Variants in SYNE1 observed in about 807,000 individuals in gnomAD.
The protein encoded by SYNE1 is spectrin repeat containing nuclear envelope protein 1, also known as nesprin-1.
A neutral mutation model predicts 1,111.0 loss-of-function variants in SYNE1; 616 were observed. The observed-to-expected ratio is 0.55, with a 90% CI of 0.52 to 0.59. The LOEUF is 0.59. Ranked by LOEUF, SYNE1 falls within the 20% of genes least tolerant of loss-of-function variation. SYNE1 has a pLI of 0.00. For synonymous variants in SYNE1, 3,855 were observed against 3,825.8 expected, an observed-to-expected ratio of 1.01 and a Z score of -0.28; for missense variants, 10,006 against 10,417.0, an observed-to-expected ratio of 0.96 and a Z score of 1.72.
At position 152,220,835 on chromosome 6, in the gene SYNE1, A is replaced by T; in HGVS notation, c.21861+7T>A. 1 of 1,613,138 alleles carries T rather than the reference A, an allele frequency of 6.2e-7. No homozygotes were observed. The highest frequency in any genetic ancestry group is 8.5e-7 in the Non-Finnish European group (1 of 1,179,780). On this transcript the variant is annotated splice_region_variant and intron_variant, in intron 119 of 145. Coordinates refer to ENST00000367255, the MANE Select transcript of SYNE1 (RefSeq NM_182961.4). ...TGTGGGGAAAACAAGGTAGCTCCTG[A>T]ACATACGTTGCAATCTTGAATCCAT...
chr6:152,471,312 AC>A (rs2098804286), intron 16 of SYNE1, among the ~76,000 whole-genome samples: 1 of 152,186 alleles, frequency 6.6e-6, no homozygotes, highest in Admixed American at 6.5e-5. Flanking sequence ...CAATACAAAA[AC>A]TTTTTTTAAA....
At chr6:152,256,846 A>C in intron 101 of SYNE1, 81 bp from the exon 102 acceptor site, 1 of 1,581,456 alleles carries the variant, frequency 6.3e-7, no homozygotes, top group Non-Finnish European at 8.6e-7. Flanking sequence ...ATACTGAAAT[A>C]GATGCTGAAA....
rs1432273399 is a variant in SYNE1, at chr6:152,471,697, C to T, written c.1532G>A (p.Arg511His). Reference protein sequence around the residue: ...MKMEFLELKYRLLSLLVLAES... With the variant: ...MKMEFLELKYHLLSLLVLAES... The stretch of plus-strand genomic sequence containing the variant: ...TGCAAGAACCAGCAGTGAGAGCAGA[C>T]GGTACTTTAATTCTAAAAATTCCAT... Residue 511 changes from arginine (R) to histidine (H), a missense_variant, in exon 16 of 146, where the codon CGT becomes CAT. By Grantham distance (29) the Arg-to-His change is conservative (BLOSUM62 0). This residue lies in a region of SYNE1 where 1,971 missense variants were observed against 2,084.1 expected (regional missense o/e 0.95). Coordinates refer to ENST00000367255, the MANE Select transcript of SYNE1 (RefSeq NM_182961.4). The T allele has an allele frequency of 5.0e-6, 8 of 1,613,840 alleles. No homozygotes were observed. The highest frequency in any genetic ancestry group is 1.1e-5 in the South Asian group (1 of 91,082).
Position 152,211,727 on chromosome 6 carries a change from T to G in SYNE1, c.22495-139A>C, listed in dbSNP as rs2077553282. The G allele has an allele frequency of 4.0e-5, 28 of 693,540 alleles. 1 individual carries two copies. In the South Asian group the frequency reaches 4.6e-4, roughly 11 times the overall value. 43.0% of individuals were successfully genotyped at this position (693,540 alleles called of 1,614,324 possible). A position where few individuals can be genotyped will look rare whatever the true frequency, so the allele number is the denominator to read the frequency against. On this transcript the variant is annotated intron_variant, in intron 123 of 145. Transcript: ENST00000367255. ...CTGAACCAGAAAATGTGTGAAATCC[T>G]GCAGTTTAGGAATCATTTATTTTTA...
At chr6:152,156,231 T>C (rs1432107919) in intron 131 of SYNE1, 134 bp from the exon 132 acceptor site, 6 of 973,302 alleles carry the variant, frequency 6.2e-6, no homozygotes, top group Non-Finnish European at 9.5e-6. Context: ...ATGACATTTA[T>C]TGAGCCTCAT....
At chr6:152,600,088 G>A (rs1233546647) in intron 3 of SYNE1, among the ~76,000 whole-genome samples, 4 of 152,162 alleles carry the variant, frequency 2.6e-5, no homozygotes, top group Non-Finnish European at 5.9e-5. Context: ...CAGGACTGAC[G>A]ACTCCATTAA....
chr6:152,303,975 C>T (rs1431735889), intron 91 of SYNE1, among the ~76,000 whole-genome samples: 4 of 152,040 alleles, frequency 2.6e-5, no homozygotes, highest in African/African-American at 9.7e-5. Context: ...CCAACTGAAG[C>T]CGAGTGGAGC....
At position 152,140,056 on chromosome 6, in the gene SYNE1, C is replaced by T; in HGVS notation, c.25352G>A (p.Ser8451Asn). Residue 8451 changes from serine to asparagine, a missense_variant, in exon 140 of 146, where the codon AGC becomes AAC. Ser to Asn is a conservative substitution (Grantham distance 46, BLOSUM62 1). Coordinates refer to ENST00000367255, the MANE Select transcript of SYNE1 (RefSeq NM_182961.4). ...CGTGTCCCCCAGCCAGGCCCAGATG[C>T]TGTTCAAGTCTGAGTTAAACTGCTG... The part of the protein sequence containing the change: ...KWQQFNSDLN[S>N]IWAWLGDTEE... The T allele has an allele frequency of 1.2e-6, 2 of 1,614,218 alleles. No individual in the cohort carries two copies. The highest frequency in any genetic ancestry group is 1.7e-6 in the Non-Finnish European group (2 of 1,180,038).
At chr6:152,419,850 T>C in intron 39 of SYNE1, 128 bp from the exon 40 acceptor site, 1 of 901,290 alleles carries the variant, frequency 1.1e-6, no homozygotes, top group East Asian at 2.7e-5. Context: ...TCTATACCTC[T>C]TGATATTTTT....
chr6:152,479,912 C>T (rs2098873682), intron 14 of SYNE1, among the ~76,000 whole-genome samples: 2 of 152,160 alleles, frequency 1.3e-5, no homozygotes, highest in Admixed American at 6.5e-5. Context: ...ATCCAACTTG[C>T]AAACGTTGCC....
chr6:152,147,863 T>TC, intron 137 of SYNE1, 182 bp downstream of exon 137: 1 of 633,996 alleles, frequency 1.6e-6, no homozygotes, highest in Non-Finnish European at 2.8e-6. Context: ...GTGGAATAAA[T>TC]CAACGGCCAC....
intron 3 of SYNE1, among the ~76,000 whole-genome samples, chr6:152,584,323 A>G (rs1337223045): frequency 6.6e-6 from 1 of 152,230 alleles, no homozygotes; most frequent in East Asian, 1.9e-4. Flanking sequence ...TTAACTTTTT[A>G]TACTTAATTT....
chr6:152,225,975 T>C, intron 115 of SYNE1, 99 bp from the exon 116 acceptor site: 1 of 1,182,658 alleles, frequency 8.5e-7, no homozygotes, highest in East Asian at 2.4e-5. Flanking sequence ...TAAAAACCTT[T>C]TACTAATCCA....
chr6:152,245,434 C>T (rs1407167117), intron 105 of SYNE1, among the ~76,000 whole-genome samples: 1 of 152,100 alleles, frequency 6.6e-6, no homozygotes, highest in African/African-American at 2.4e-5. Context: ...CAGAGGTTGC[C>T]CCTGAAGGAG....
chr6:152,634,317 A>G (rs2099702622), intron 2 of SYNE1, among the ~76,000 whole-genome samples: 1 of 152,236 alleles, frequency 6.6e-6, no homozygotes, highest in Admixed American at 6.5e-5. Flanking sequence ...TACAGATATT[A>G]ATTAAATGTC....
chr6:152,411,151 G>C (rs948249878), intron 42 of SYNE1, among the ~76,000 whole-genome samples: 3 of 152,068 alleles, frequency 2.0e-5, no homozygotes, highest in East Asian at 3.9e-4. Flanking sequence ...AATTGTTCTA[G>C]TACCATTTAT....
intron 39 of SYNE1, among the ~76,000 whole-genome samples, chr6:152,420,631 C>T (rs570138039): frequency 6.6e-6 from 1 of 152,122 alleles, no homozygotes; most frequent in African/African-American, 2.4e-5. Context: ...AAAGAAAAAA[C>T]TTCCAGGACT....
intron 2 of SYNE1, among the ~76,000 whole-genome samples, chr6:152,635,497 T>G (rs1006395059): frequency 1.3e-5 from 2 of 152,224 alleles, no homozygotes; most frequent in Admixed American, 6.5e-5. Flanking sequence ...AAATCTTTTT[T>G]CACCATGGGG....
intron 39 of SYNE1, among the ~76,000 whole-genome samples, chr6:152,424,654 T>C (rs2098324347): frequency 2.0e-5 from 3 of 152,162 alleles, no homozygotes; most frequent in Middle Eastern, 3.2e-3. Flanking sequence ...TGTTGATTGA[T>C]TGAATACAGG....
Sources: gnomAD v4.1 joint callset for allele counts (sites outside exome capture counted in the v4.1 genomes callset) on GRCh38, gnomAD v4.1.1 for gene constraint, gnomAD v4.1.1 regional missense constraint, MANE v1.5 for transcripts, NCBI Gene and HGNC (gene_info 2026-07-23, HGNC 2026-07-21) for gene names.